Variants in TTC28 observed in about 807,000 individuals in gnomAD.
TTC28 encodes the protein tetratricopeptide repeat domain 28, also known as tetratricopeptide repeat protein 28.
TTC28 carries 61 observed loss-of-function variants against 198.0 expected under a neutral mutation model. That is an observed-to-expected ratio of 0.31 (90% CI 0.25 to 0.38). The LOEUF (loss-of-function observed/expected upper bound fraction) is 0.38, where lower values mean the gene tolerates loss of function less well. Ranked by LOEUF, TTC28 falls within the 10% of genes least tolerant of loss-of-function variation. The pLI, the probability that TTC28 is intolerant of heterozygous loss-of-function variation, is 1.00. For synonymous variants in TTC28, 1,171 were observed against 1,297.8 expected, an observed-to-expected ratio of 0.90 and a Z score of 2.10; for missense variants, 2,678 against 3,164.0, an observed-to-expected ratio of 0.85 and a Z score of 3.69.
intron 6 of TTC28, among the ~76,000 whole-genome samples, chr22:28,153,865 G>A (rs1163888825): frequency 6.6e-6 from 1 of 152,120 alleles, no homozygotes; most frequent in Non-Finnish European, 1.5e-5. Flanking sequence ...CTGACCTCAG[G>A]CCTTGGTGGG....
At chr22:28,100,870 T>C (rs1942124066) in intron 9 of TTC28, among the ~76,000 whole-genome samples, 1 of 152,216 alleles carries the variant, frequency 6.6e-6, no homozygotes, top group Admixed American at 6.5e-5. Flanking sequence ...TGAAATTTAA[T>C]TATGAATTTT....
intron 2 of TTC28, among the ~76,000 whole-genome samples, chr22:28,372,891 A>G (rs910075283): frequency 6.6e-6 from 1 of 152,198 alleles, no homozygotes; most frequent in African/African-American, 2.4e-5. Flanking sequence ...AATGCCTCCA[A>G]CAGTAAAATG....
At chr22:28,587,834 C>T (rs945063880) in intron 2 of TTC28, among the ~76,000 whole-genome samples, 1 of 152,060 alleles carries the variant, frequency 6.6e-6, no homozygotes, top group African/African-American at 2.4e-5. Context: ...AAAGAAAATG[C>T]ACTTATAAAA....
At chr22:28,637,320 G>C (rs12168765) in intron 1 of TTC28, among the ~76,000 whole-genome samples, 20,767 of 152,090 alleles carry the variant, frequency 0.14, 1,665 homozygotes, top group African/African-American at 0.2. Flanking sequence ...CCACGTTTAA[G>C]TATTTAATCT....
At chr22:28,637,055 C>G (rs1262384303) in intron 1 of TTC28, among the ~76,000 whole-genome samples, 1 of 137,408 alleles carries the variant, frequency 7.3e-6, no homozygotes, top group East Asian at 2.2e-4. Context: ...GTCGCCCAGG[C>G]TGGAGTGCAG....
chr22:28,094,023 A>G, intron 12 of TTC28, 57 bp downstream of exon 12: 1 of 1,462,104 alleles, frequency 6.8e-7, no homozygotes, highest in Non-Finnish European at 9.1e-7. Flanking sequence ...GATGTTTACA[A>G]AAAATAATAC....
At chr22:28,628,738 G>C (rs1236260323) in intron 2 of TTC28, among the ~76,000 whole-genome samples, 1 of 151,968 alleles carries the variant, frequency 6.6e-6, no homozygotes, top group Admixed American at 6.6e-5. Flanking sequence ...TCAGGAGTTC[G>C]AGACCAGCCT....
intron 6 of TTC28, among the ~76,000 whole-genome samples, chr22:28,119,970 C>A (rs2146936324): frequency 6.6e-6 from 1 of 152,306 alleles, no homozygotes; most frequent in African/African-American, 2.4e-5. Context: ...ACCAATTTAT[C>A]TGTAAAATGT....
intron 2 of TTC28, among the ~76,000 whole-genome samples, chr22:28,514,951 T>G (rs996944038): frequency 5.9e-5 from 9 of 152,218 alleles, no homozygotes; most frequent in Non-Finnish European, 7.3e-5. Flanking sequence ...CTGTAATGTA[T>G]TCAGCTTTTA....
intron 2 of TTC28, among the ~76,000 whole-genome samples, chr22:28,580,933 T>C (rs2050225025): frequency 6.6e-6 from 1 of 152,062 alleles, no homozygotes; most frequent in Non-Finnish European, 1.5e-5. Flanking sequence ...ATACTCTCAT[T>C]CTATTATTAT....
intron 2 of TTC28, among the ~76,000 whole-genome samples, chr22:28,550,992 A>G (rs561212572): frequency 6.6e-6 from 1 of 152,270 alleles, no homozygotes; most frequent in African/African-American, 2.4e-5. Flanking sequence ...TAAAAGGACT[A>G]GTTTAACAGG....
At chr22:28,214,297 A>G (rs1209299820) in intron 5 of TTC28, among the ~76,000 whole-genome samples, 1 of 152,222 alleles carries the variant, frequency 6.6e-6, no homozygotes, top group Non-Finnish European at 1.5e-5. Context: ...TAATTAAACC[A>G]AAGAGCTTCT....
intron 2 of TTC28, among the ~76,000 whole-genome samples, chr22:28,400,342 T>G (rs1337550921): frequency 1.3e-5 from 2 of 152,190 alleles, no homozygotes; most frequent in Non-Finnish European, 2.9e-5. Context: ...TTTCAAAGAG[T>G]GCCAGGACTC....
intron 2 of TTC28, among the ~76,000 whole-genome samples, chr22:28,330,630 G>A (rs889186822): frequency 1.3e-5 from 2 of 152,020 alleles, no homozygotes; most frequent in Middle Eastern, 3.2e-3. Context: ...GTATCAAAAC[G>A]ATTTCCTATT....
Position 28,055,263 on chromosome 22 carries a change from A to G in TTC28, c.3933-24897T>C, listed in dbSNP as rs973327217. ...CGAGTCAAGAAAATACTGGGTAACA[A>G]CTGAGCACAGGGATACTCAAAGCTA... On this transcript the variant is annotated intron_variant, in intron 12 of 22. Coordinates refer to ENST00000397906, the MANE Select transcript of TTC28 (RefSeq NM_001145418.2). Among the ~76,000 whole-genome samples, 4 of 152,210 alleles carry G rather than the reference A, an allele frequency of 2.6e-5. No individual in the cohort carries two copies. The East Asian group carries it at 7.7e-4, about 29-fold the overall frequency.
intron 2 of TTC28, among the ~76,000 whole-genome samples, chr22:28,407,866 G>A (rs1457955769): frequency 4.6e-5 from 7 of 152,180 alleles, no homozygotes; most frequent in Non-Finnish European, 7.3e-5. Flanking sequence ...CTGGCATTAT[G>A]CCAAGTATAC....
chr22:28,315,558 T>A (rs1204113234), intron 2 of TTC28, among the ~76,000 whole-genome samples: 1 of 152,216 alleles, frequency 6.6e-6, no homozygotes, highest in Non-Finnish European at 1.5e-5. Context: ...AATTCTTATA[T>A]AAGGTGCAAA....
chr22:28,149,276 A>C (rs9613570), intron 6 of TTC28, among the ~76,000 whole-genome samples: 41,536 of 152,154 alleles, frequency 0.27, 6,922 homozygotes, highest in Middle Eastern at 0.41. Flanking sequence ...CATGAATGGG[A>C]TCAGTATGTG....
chr22:28,027,386 T>C (rs902863083), intron 13 of TTC28, among the ~76,000 whole-genome samples: 3 of 152,222 alleles, frequency 2.0e-5, no homozygotes, highest in African/African-American at 4.8e-5. Context: ...AAAATAGTGA[T>C]TGCCGAGACC....
Sources: gnomAD v4.1 joint callset for allele counts (sites outside exome capture counted in the v4.1 genomes callset) on GRCh38, gnomAD v4.1.1 for gene constraint, MANE v1.5 for transcripts, NCBI Gene and HGNC (gene_info 2026-07-23, HGNC 2026-07-21) for gene names.